CADM2: variants seen among roughly 807,000 people sequenced by gnomAD.
CADM2 encodes the protein immunoglobulin superfamily member 4D.
Under a neutral mutation model 49.8 loss-of-function variants are expected in CADM2, and 12 were observed. The ratio of observed to expected loss-of-function variants is 0.24; its 90% CI spans 0.15 to 0.39. CADM2 has a LOEUF of 0.39. Ranked by LOEUF, CADM2 falls within the 10% of genes least tolerant of loss-of-function variation. The pLI, the probability that CADM2 is intolerant of heterozygous loss-of-function variation, is 1.00. For synonymous variants in CADM2, 214 were observed against 175.4 expected (o/e 1.22, Z -1.74); for missense variants, 378 against 492.3 (o/e 0.77, Z 2.20).
intron 8 of CADM2, among the ~76,000 whole-genome samples, chr3:85,986,901 C>G (rs893659029): frequency 2.0e-5 from 3 of 151,926 alleles, no homozygotes; most frequent in African/African-American, 4.8e-5. Context: ...TTTTAGTTAG[C>G]CATGGACCTA....
chr3:86,050,020 C>T (rs1737158634), intron 8 of CADM2, among the ~76,000 whole-genome samples: 1 of 152,144 alleles, frequency 6.6e-6, no homozygotes. Flanking sequence ...CTTATTCCAC[C>T]ATTAACTCCA....
chr3:85,184,670 C>A (rs1006557416), intron 1 of CADM2, among the ~76,000 whole-genome samples: 2 of 151,962 alleles, frequency 1.3e-5, no homozygotes, highest in African/African-American at 4.8e-5. Context: ...CATAAGCACT[C>A]ATGAGAGATA....
At chr3:85,814,503 CA>C (rs1407018494) in intron 3 of CADM2, among the ~76,000 whole-genome samples, 9 of 151,812 alleles carry the variant, frequency 5.9e-5, no homozygotes, top group African/African-American at 1.4e-4. Context: ...TAGCAGAAGA[CA>C]AAAAAGAACT....
chr3:84,996,056 A>G (rs2033162972), intron 1 of CADM2, among the ~76,000 whole-genome samples: 1 of 152,166 alleles, frequency 6.6e-6, no homozygotes. Flanking sequence ...AGATCTTTCA[A>G]GCAAAATCTG....
chr3:85,200,997 TTTC>T (rs2041484827), intron 1 of CADM2, among the ~76,000 whole-genome samples: 1 of 152,168 alleles, frequency 6.6e-6, no homozygotes, highest in South Asian at 2.1e-4. Flanking sequence ...AAATAGACCT[TTTC>T]TTATCAATAT....
At chr3:85,683,185 A>G (rs2066088425) in intron 1 of CADM2, among the ~76,000 whole-genome samples, 1 of 152,100 alleles carries the variant, frequency 6.6e-6, no homozygotes, top group East Asian at 1.9e-4. Context: ...TAAATCCTAA[A>G]TCATTTAACT....
chr3:85,850,460 G>A (rs969843263), intron 3 of CADM2, among the ~76,000 whole-genome samples: 1 of 151,796 alleles, frequency 6.6e-6, no homozygotes, highest in South Asian at 2.1e-4. Context: ...GAGTAGGTGG[G>A]ACTACAGGCG....
intron 8 of CADM2, among the ~76,000 whole-genome samples, chr3:85,977,062 A>G (rs1454604113): frequency 6.6e-6 from 1 of 151,244 alleles, no homozygotes; most frequent in Non-Finnish European, 1.5e-5. Flanking sequence ...AGGATTTATT[A>G]CTGCCTATAT....
At chr3:85,760,537 G>T (rs778167130) in intron 2 of CADM2, among the ~76,000 whole-genome samples, 19 of 152,244 alleles carry the variant, frequency 1.2e-4, no homozygotes, top group Admixed American at 4.6e-4. Flanking sequence ...CATAGTTCTA[G>T]TATGGAACTT....
chr3:85,956,316 A>G (rs181392509), intron 7 of CADM2, among the ~76,000 whole-genome samples: 306 of 151,772 alleles, frequency 2.0e-3, no homozygotes, highest in Non-Finnish European at 3.9e-3. Context: ...CTGGGTTCCA[A>G]TTAGAGAAAG....
intron 1 of CADM2, among the ~76,000 whole-genome samples, chr3:85,495,207 A>G (rs1201711068): frequency 6.6e-6 from 1 of 152,196 alleles, no homozygotes; most frequent in Non-Finnish European, 1.5e-5. Flanking sequence ...AAAGCAGACA[A>G]TAACAAGTTC....
intron 1 of CADM2, among the ~76,000 whole-genome samples, chr3:85,694,775 C>G (rs764863061): frequency 3.9e-4 from 59 of 152,068 alleles, no homozygotes; most frequent in Middle Eastern, 3.4e-3. Context: ...TTAATCGTTT[C>G]CATAGTTATT....
Position 86,071,184 on chromosome 3 carries a change from A to G in CADM2, c.*4401A>G, listed in dbSNP as rs1281436845. The G allele has an allele frequency of 1.3e-5, 2 of 151,890 alleles. No homozygotes were observed. The highest frequency in any genetic ancestry group is 4.8e-5 in the African/African-American group (2 of 41,416). The allele number at this position is 151,890 out of a possible 1,614,324, so 9.4% of individuals were successfully genotyped here. On this transcript the variant is annotated 3_prime_UTR_variant, in exon 10 of 10. Coordinates refer to ENST00000383699, the MANE Select transcript of CADM2 (RefSeq NM_001167675.2). ...ATCTCATTGAATTGGGAATTCTTCA[A>G]TTTTGTTTGAAATGTGTGCATGTTT...
intron 1 of CADM2, among the ~76,000 whole-genome samples, chr3:85,231,986 A>G (rs1473468533): frequency 6.6e-6 from 1 of 151,844 alleles, no homozygotes. Flanking sequence ...AAGTGCTGGG[A>G]TTACAGACGT....
chr3:86,062,501 G>A (rs1738789753), intron 8 of CADM2, among the ~76,000 whole-genome samples: 1 of 152,032 alleles, frequency 6.6e-6, no homozygotes, highest in Admixed American at 6.6e-5. Flanking sequence ...TGTTAGGCTG[G>A]GTGCAGTGGC....
At chr3:85,149,109 T>TAA (rs60149715) in intron 1 of CADM2, among the ~76,000 whole-genome samples, 1 of 151,728 alleles carries the variant, frequency 6.6e-6, no homozygotes, top group African/African-American at 2.4e-5. Flanking sequence ...CTTTTTTTTT[T>TAA]AAAAAAATCA....
chr3:85,802,005 ATG>A, intron 2 of CADM2, 40 bp from the exon 3 acceptor site: 1 of 1,396,404 alleles, frequency 7.2e-7, no homozygotes, highest in Non-Finnish European at 9.5e-7. Context: ...TAATCATTTT[ATG>A]ACTTTCATTT....
intron 1 of CADM2, among the ~76,000 whole-genome samples, chr3:85,618,779 A>G (rs2063877670): frequency 6.6e-6 from 1 of 152,148 alleles, no homozygotes; most frequent in South Asian, 2.1e-4. Flanking sequence ...CTACTGATCA[A>G]AATTTGTGAC....
At chr3:85,886,388 A>ACAGGCTGT in intron 5 of CADM2, 61 bp downstream of exon 5, 1 of 1,282,578 alleles carries the variant, frequency 7.8e-7, no homozygotes, top group Non-Finnish European at 1.1e-6. Flanking sequence ...ACATGTTAAG[A>ACAGGCTGT]AAAAGGCATT....
Sources: allele counts gnomAD v4.1 joint callset (sites outside exome capture counted in the v4.1 genomes callset), GRCh38; gene constraint gnomAD v4.1.1; transcripts MANE v1.5; gene names NCBI Gene and HGNC (gene_info 2026-07-23, HGNC 2026-07-21).